Variants in EFCAB8 observed in about 807,000 individuals in gnomAD.
The protein encoded by EFCAB8 is EF-hand calcium-binding domain-containing protein 8.
A neutral mutation model predicts 116.3 loss-of-function variants in EFCAB8; 100 were observed. The ratio of observed to expected loss-of-function variants is 0.86; its 90% CI spans 0.73 to 1.02. The LOEUF (loss-of-function observed/expected upper bound fraction) is 1.02. Among genes scored for constraint, EFCAB8 ranks in the 50% least tolerant of loss-of-function variants. The pLI, the probability that EFCAB8 is intolerant of heterozygous loss-of-function variation, is 0.00. For synonymous variants in EFCAB8, 558 were observed against 567.9 expected (o/e 0.98, Z 0.25); for missense variants, 1,320 against 1,416.9 (o/e 0.93, Z 1.10).
intron 10 of EFCAB8, among the ~76,000 whole-genome samples, 173 bp downstream of exon 10, chr20:32,896,700 C>T (rs1235936051): frequency 1.3e-5 from 2 of 152,228 alleles, no homozygotes; most frequent in Non-Finnish European, 2.9e-5. Context: ...TATCTGCAGA[C>T]CACATCTCTG....
intron 3 of EFCAB8, among the ~76,000 whole-genome samples, chr20:32,874,037 C>T (rs1271646627): frequency 1.3e-5 from 2 of 151,922 alleles, no homozygotes; most frequent in Non-Finnish European, 2.9e-5. Flanking sequence ...CCTCCCAGCT[C>T]AACCTCCCCA....
At chr20:32,917,012 C>T (rs1987218215) in intron 17 of EFCAB8, 1 of 355,134 alleles carries the variant, frequency 2.8e-6, no homozygotes, top group African/African-American at 2.1e-5. Context: ...AATGTCCCCC[C>T]CCCTTTAAAC....
At chr20:32,952,463 A>G (rs1394594050) in intron 23 of EFCAB8, among the ~76,000 whole-genome samples, 1 of 152,178 alleles carries the variant, frequency 6.6e-6, no homozygotes, top group Non-Finnish European at 1.5e-5. Context: ...TAAATTTTGC[A>G]TGGAGATAGC....
chr20:32,929,632 A>G (rs1028665988), intron 20 of EFCAB8, among the ~76,000 whole-genome samples: 2 of 151,582 alleles, frequency 1.3e-5, no homozygotes, highest in African/African-American at 2.4e-5. Flanking sequence ...ATGAGCCACC[A>G]TGAGATTTTT....
At chr20:32,917,193 T>C (rs2146256022) in intron 17 of EFCAB8, 108 bp from the exon 18 acceptor site, 2 of 834,458 alleles carry the variant, frequency 2.4e-6, no homozygotes, top group East Asian at 2.7e-5. Context: ...CCTGAGAGTA[T>C]CCTCCTCTGA....
intron 22 of EFCAB8, 46 bp downstream of exon 22, chr20:32,931,382 C>G: frequency 6.7e-7 from 1 of 1,485,084 alleles, no homozygotes; most frequent in South Asian, 1.4e-5. Context: ...CCTTTGAGCC[C>G]CACAAATGAG....
chr20:32,895,399 A>G (rs1195938547), intron 9 of EFCAB8, among the ~76,000 whole-genome samples: 1 of 147,628 alleles, frequency 6.8e-6, no homozygotes, highest in South Asian at 2.1e-4. Context: ...ATCATGGCTC[A>G]CTACAGCTTT....
intron 23 of EFCAB8, among the ~76,000 whole-genome samples, chr20:32,952,175 G>T (rs1449909365): frequency 6.6e-6 from 1 of 152,076 alleles, no homozygotes; most frequent in Non-Finnish European, 1.5e-5. Context: ...TGAGGCAGGA[G>T]GATTGCTTGA....
chr20:32,939,131 CTTTCTTTCTTT>C (rs1334553333), intron 22 of EFCAB8, among the ~76,000 whole-genome samples: 1 of 19,240 alleles, frequency 5.2e-5, no homozygotes, highest in African/African-American at 3.7e-4. Context: ...CTTTCTCTTT[CTTTCTTTCTTT>C]CTTTCTTTCT....
At chr20:32,921,049 T>C (rs1461053722) in intron 20 of EFCAB8, among the ~76,000 whole-genome samples, 3 of 152,090 alleles carry the variant, frequency 2.0e-5, no homozygotes, top group Admixed American at 2.0e-4. Context: ...CATAGTTGAG[T>C]TAGGGTGTGG....
chr20:32,888,672 A>G lies in EFCAB8; in HGVS notation c.568-629A>G, dbSNP rs1386645216. On this transcript the variant is annotated intron_variant, in intron 6 of 26. Coordinates refer to ENST00000400522, the MANE Select transcript of EFCAB8 (RefSeq NM_001143967.2). The stretch of plus-strand genomic sequence containing the variant: ...TGCCCTTTTCTTTTTAAATGCGATA[A>G]TGGAAGCATATTATAATGTTGCTTT... Among the ~76,000 whole-genome samples, 3 of 152,154 alleles carry G rather than the reference A, an allele frequency of 2.0e-5. No homozygotes were observed. The East Asian group carries it at 5.8e-4, about 29-fold the overall frequency.
chr20:32,961,454 C>T lies in EFCAB8; in HGVS notation c.3712C>T (p.His1238Tyr). The change falls in exon 27 of 27, where the codon CAT (histidine) becomes TAT (tyrosine). Residue 1238 changes from histidine to tyrosine, a missense_variant. Physicochemically the swap from His to Tyr is moderately conservative, Grantham distance 83. Transcript: ENST00000400522. ...LLRPQSASTA[H>Y]STPSVPSPVS... ...GCGGCCCCAGTCAGCCTCCACAGCC[C>T]ATTCCACCCCCTCGGTCCCATCCCC... 1 of 1,454,856 alleles carries T rather than the reference C, an allele frequency of 6.9e-7. No homozygotes were observed. Among genetic ancestry groups the T allele is most frequent in the East Asian group, 2.5e-5 (1 of 40,028 alleles). 90.1% of individuals were successfully genotyped at this position (1,454,856 alleles called of 1,614,324 possible). A position where few individuals can be genotyped will look rare whatever the true frequency, so the allele number is the denominator to read the frequency against.
rs745840628 is a variant in EFCAB8, at chr20:32,889,308, A to T, written c.575A>T (p.Gln192Leu). The T allele has an allele frequency of 7.1e-6, 11 of 1,551,506 alleles. No individual in the cohort carries two copies. Among genetic ancestry groups the T allele is most frequent in the Admixed American group, 2.0e-5 (1 of 50,970 alleles). Residue 192 changes from glutamine to leucine, a missense_variant, in exon 7 of 27, where the codon CAG (glutamine) becomes CTG (leucine). Coordinates refer to ENST00000400522, the MANE Select transcript of EFCAB8 (RefSeq NM_001143967.2). ...FSLMSSFRLN[Q>L]TQQLYNQPMW... Reference sequence around the variant, plus strand: ...TGCTCTTCCTCTGGCCAGCTTAACCAGACCCAGCAGCTCTACAACCAGCCG... The same window carrying T: ...TGCTCTTCCTCTGGCCAGCTTAACCTGACCCAGCAGCTCTACAACCAGCCG...
In EFCAB8 at chr20:32,901,573, A is replaced by G. The variant is rs536833740; in HGVS notation, c.1088+2950A>G. ...CCGGGCCTGCTGCCTTCCTGACCTCATTGCCTCCACCTGCCCACTCAGCTC... is the reference window on the plus strand; with the variant it reads ...CCGGGCCTGCTGCCTTCCTGACCTCGTTGCCTCCACCTGCCCACTCAGCTC... On this transcript the variant is annotated intron_variant, in intron 11 of 26. Transcript: ENST00000400522. Among the ~76,000 whole-genome samples the G allele has an allele frequency of 1.5e-3, 229 of 152,350 alleles. 1 individual carries two copies. The highest frequency in any genetic ancestry group is 5.1e-3 in the African/African-American group (212 of 41,594).
rs1274729911 is a variant in EFCAB8, at chr20:32,949,130, G to A, written c.2959+5326G>A. Among the ~76,000 whole-genome samples the A allele has an allele frequency of 3.3e-5, 5 of 152,186 alleles. 1 individual carries two copies. In the East Asian group the frequency reaches 7.7e-4, roughly 23 times the overall value. On this transcript the variant is annotated intron_variant, in intron 23 of 26. Coordinates refer to ENST00000400522, the MANE Select transcript of EFCAB8 (RefSeq NM_001143967.2). ...AGTAAGGAGTTTAACAAGGTTGCAGGATACAAGATCAATACAAAAAATCAA... is the reference window on the plus strand; with the variant it reads ...AGTAAGGAGTTTAACAAGGTTGCAGAATACAAGATCAATACAAAAAATCAA...
chr20:32,961,613 G>A lies in EFCAB8; in HGVS notation c.*4G>A. 3.8e-6 allele frequency: 5 copies of A among 1,313,642 alleles called. No individual in the cohort carries two copies. Among genetic ancestry groups the A allele is most frequent in the Non-Finnish European group, 2.9e-6 (3 of 1,030,474 alleles). 81.4% of individuals were successfully genotyped at this position (1,313,642 alleles called of 1,614,324 possible). ...GAGCTCCCATGTCAGGTTCTGAGGT[G>A]CTCCGCTGTCTTCTCTAGTCCTCCA... On this transcript the variant is annotated 3_prime_UTR_variant, in exon 27 of 27. Coordinates refer to ENST00000400522, the MANE Select transcript of EFCAB8 (RefSeq NM_001143967.2).
intron 23 of EFCAB8, among the ~76,000 whole-genome samples, chr20:32,944,693 A>T (rs1988527847): frequency 6.6e-6 from 1 of 151,782 alleles, no homozygotes; most frequent in Admixed American, 6.6e-5. Context: ...ATCTGGGAAA[A>T]TTTTTATTTT....
Position 32,911,821 on chromosome 20 carries a change from A to G in EFCAB8, c.1785+114A>G, listed in dbSNP as rs1986939724. 10 of 1,087,876 alleles carry G rather than the reference A, an allele frequency of 9.2e-6. No homozygotes were observed. In the South Asian group the frequency reaches 1.4e-4, roughly 15 times the overall value. 67.4% of individuals were successfully genotyped at this position (1,087,876 alleles called of 1,614,324 possible). A position where few individuals can be genotyped will look rare whatever the true frequency, so the allele number is the denominator to read the frequency against. Reference sequence around the variant, plus strand: ...ACCTCTCTGAAAGGGTGTTCATCATAGTCAGGTGGCCTGGCTTCAAACCTC... The same window carrying G: ...ACCTCTCTGAAAGGGTGTTCATCATGGTCAGGTGGCCTGGCTTCAAACCTC... On this transcript the variant is annotated intron_variant, in intron 16 of 26. Transcript: ENST00000400522.
rs142006757 is a variant in EFCAB8, at chr20:32,936,380, C to T, written c.2790+5044C>T. Among the ~76,000 whole-genome samples the T allele has an allele frequency of 4.7e-4, 71 of 152,238 alleles. 1 individual carries two copies. Among genetic ancestry groups the T allele is most frequent in the African/African-American group, 1.7e-3 (69 of 41,542 alleles). ...TGCTTTTGGGGTCATAGCTAAATAACCATTGCTCAGATCAATGTCATGGAG... is the reference window on the plus strand; with the variant it reads ...TGCTTTTGGGGTCATAGCTAAATAATCATTGCTCAGATCAATGTCATGGAG... On this transcript the variant is annotated intron_variant, in intron 22 of 26. Transcript: ENST00000400522.
Sources: allele counts gnomAD v4.1 joint callset (sites outside exome capture counted in the v4.1 genomes callset), GRCh38; gene constraint gnomAD v4.1.1; transcripts MANE v1.5; gene names NCBI Gene and HGNC (gene_info 2026-07-23, HGNC 2026-07-21).